Variants in NSUN6 observed in about 807,000 individuals in gnomAD.
NSUN6 encodes the protein tRNA (cytosine(72)-C(5))-methyltransferase NSUN6.
Under a neutral mutation model 58.0 loss-of-function variants are expected in NSUN6, and 64 were observed. The ratio of observed to expected loss-of-function variants is 1.10; its 90% CI spans 0.90 to 1.36. The LOEUF is 1.36. Ranked by LOEUF, NSUN6 falls within the 40% of genes most tolerant of loss-of-function variation. The pLI, the probability that NSUN6 is intolerant of heterozygous loss-of-function variation, is 0.00. For synonymous variants in NSUN6, 231 were observed against 193.9 expected (o/e 1.19, Z -1.59); for missense variants, 701 against 550.1 (o/e 1.27, Z -2.74).
intron 3 of NSUN6, 24 bp downstream of exon 3, chr10:18,642,452 T>C (rs2131565545): frequency 8.8e-7 from 1 of 1,138,984 alleles, no homozygotes; most frequent in South Asian, 1.3e-5. Flanking sequence ...AATAATATAA[T>C]TTGGAAATGA....
chr10:18,607,351 C>T (rs1003962687), intron 6 of NSUN6, among the ~76,000 whole-genome samples: 4 of 152,192 alleles, frequency 2.6e-5, no homozygotes, highest in African/African-American at 9.6e-5. Context: ...ATTCCACATT[C>T]TTCTTAAACT....
chr10:18,612,814 T>G (rs1010889259), intron 5 of NSUN6, among the ~76,000 whole-genome samples: 2 of 152,306 alleles, frequency 1.3e-5, no homozygotes, highest in South Asian at 2.1e-4. Flanking sequence ...CATATAATAA[T>G]GCAAAGTACA....
At chr10:18,570,749 ATT>A (rs2056309659) in intron 8 of NSUN6, among the ~76,000 whole-genome samples, 1 of 145,492 alleles carries the variant, frequency 6.9e-6, no homozygotes, top group African/African-American at 2.6e-5. Context: ...TCCATTCTCC[ATT>A]CCATTCTCCA....
chr10:18,601,751 G>A (rs2057848329), intron 6 of NSUN6, among the ~76,000 whole-genome samples: 1 of 152,054 alleles, frequency 6.6e-6, no homozygotes, highest in South Asian at 2.1e-4. Context: ...GGGAAGCTGA[G>A]GCGGCCAGAT....
intron 8 of NSUN6, among the ~76,000 whole-genome samples, chr10:18,565,235 CTCCATTCCATTCCGTTT>C (rs1160643568): frequency 6.7e-6 from 1 of 149,906 alleles, no homozygotes; most frequent in Non-Finnish European, 1.5e-5. Context: ...CCATACCATT[CTCCATTCCATTCCGTTT>C]TCCATTCCAG....
chr10:18,652,655 G>A, upstream of NSUN6: 1 of 767,422 alleles, frequency 1.3e-6, no homozygotes, highest in Non-Finnish European at 1.6e-6. Flanking sequence ...CCACCTCCTG[G>A]TTCAAGAGAT....
At chr10:18,628,842 C>A (rs36162937) in intron 3 of NSUN6, among the ~76,000 whole-genome samples, 1 of 152,004 alleles carries the variant, frequency 6.6e-6, no homozygotes, top group East Asian at 1.9e-4. Context: ...AGGATATTAT[C>A]CAGGAGAACT....
At chr10:18,609,154 C>A (rs2058142386) in intron 6 of NSUN6, among the ~76,000 whole-genome samples, 1 of 151,870 alleles carries the variant, frequency 6.6e-6, no homozygotes, top group African/African-American at 2.4e-5. Flanking sequence ...ACAAAAACAT[C>A]AAAAAAATGA....
rs2059694799 is a variant in NSUN6 at position 18,651,196 on chromosome 10, A to G, written c.8T>C (p.Ile3Thr). The change falls in exon 1 of 11, where the codon ATT becomes ACT. Residue 3 changes from isoleucine (I) to threonine (T), a missense_variant. Coordinates refer to ENST00000377304, the MANE Select transcript of NSUN6 (RefSeq NM_182543.5). ...AGGTCTCAAAGATATCTTAGGGAAA[A>G]TAGACATTTTTCCTGTTGTTTAGTT... MS[I>T]FPKISLRPEV... 6.4e-7 allele frequency: 1 copy of G among 1,565,230 alleles called. No homozygotes were observed. The highest frequency in any genetic ancestry group is 1.4e-5 in the African/African-American group (1 of 71,538).
intron 7 of NSUN6, among the ~76,000 whole-genome samples, chr10:18,590,895 A>G (rs949132119): frequency 6.6e-6 from 1 of 152,328 alleles, no homozygotes; most frequent in Middle Eastern, 3.4e-3. Flanking sequence ...ATAAATAACT[A>G]GAGCAGAAAT....
chr10:18,558,571 G>A (rs1018641749), intron 8 of NSUN6, among the ~76,000 whole-genome samples: 1 of 151,254 alleles, frequency 6.6e-6, no homozygotes, highest in Non-Finnish European at 1.5e-5. Context: ...TAATGGAGTG[G>A]AGAATGGAAT....
In NSUN6 at chr10:18,568,514, TATTCCATTCCAATCCATTCTCC is replaced by T. The variant is rs1443565956; in HGVS notation, c.923-16565_923-16544del. 4.6e-5 allele frequency among the ~76,000 whole-genome samples: 7 copies of T among 150,678 alleles called. No individual in the cohort carries two copies. In the South Asian group the frequency reaches 1.0e-3, roughly 23 times the overall value. On this transcript the variant is annotated intron_variant, in intron 8 of 10. Transcript: ENST00000377304. ...CTCCATTCCATTCCAAACCATTCTCTATTCCATTCCAATCCATTCTCCATTCCATTCCAATCCATTCTCCTTT... is the reference window on the plus strand; with the variant it reads ...CTCCATTCCATTCCAAACCATTCTCTATTCCATTCCAATCCATTCTCCTTT...
At chr10:18,633,278 G>A (rs1399068096) in intron 3 of NSUN6, among the ~76,000 whole-genome samples, 2 of 145,668 alleles carry the variant, frequency 1.4e-5, no homozygotes, top group African/African-American at 2.5e-5. Context: ...AGCGGGGAGG[G>A]GGGAGGGATA....
At chr10:18,652,912 C>T, upstream of NSUN6, 1 of 985,066 alleles carries the variant, frequency 1.0e-6, no homozygotes, top group Non-Finnish European at 1.2e-6. Context: ...AAACAACTCT[C>T]CATGTTCTCA....
At chr10:18,604,205 G>C (rs773395124) in intron 6 of NSUN6, among the ~76,000 whole-genome samples, 36 of 152,084 alleles carry the variant, frequency 2.4e-4, no homozygotes, top group Non-Finnish European at 4.0e-4. Context: ...CTTGTTAGAA[G>C]TATCACTTAC....
upstream of NSUN6, chr10:18,651,642 T>C (rs142885354): frequency 5.1e-6 from 5 of 985,990 alleles, no homozygotes; most frequent in Non-Finnish European, 6.0e-6. Context: ...CCGGCTTACG[T>C]CACGTCCGGC....
chr10:18,626,690 C>T (rs1351339209), intron 3 of NSUN6, among the ~76,000 whole-genome samples: 1 of 152,144 alleles, frequency 6.6e-6, no homozygotes, highest in East Asian at 1.9e-4. Flanking sequence ...ATCACTTGAA[C>T]ACGGAGGTGG....
At chr10:18,629,559 G>A (rs1247350929) in intron 3 of NSUN6, among the ~76,000 whole-genome samples, 3 of 126,164 alleles carry the variant, frequency 2.4e-5, no homozygotes, top group African/African-American at 5.6e-5. Context: ...GATGGAGGAA[G>A]ATCTACCAAG....
chr10:18,618,692 A>AG (rs1248926379), intron 3 of NSUN6, among the ~76,000 whole-genome samples: 3 of 151,786 alleles, frequency 2.0e-5, no homozygotes, highest in African/African-American at 4.8e-5. Flanking sequence ...CAAAAAAAAA[A>AG]AAAAAAAAAG....
Sources: allele counts gnomAD v4.1 joint callset (sites outside exome capture counted in the v4.1 genomes callset), GRCh38; gene constraint gnomAD v4.1.1; transcripts MANE v1.5; gene names NCBI Gene and HGNC (gene_info 2026-07-23, HGNC 2026-07-21).